OTOG: variants seen among roughly 807,000 people sequenced by gnomAD.
OTOG encodes the protein otogelin.
Under a neutral mutation model 313.8 loss-of-function variants are expected in OTOG, and 296 were observed. That is an observed-to-expected ratio of 0.94 (90% confidence interval 0.86 to 1.04). The LOEUF is 1.04. OTOG is among the 50% of genes least tolerant of loss of function. The pLI is 0.00. For missense variants in OTOG, 3,948 were observed against 3,840.1 expected, an observed-to-expected ratio of 1.03 and a Z score of -0.74; for synonymous variants, 1,533 against 1,554.9, an observed-to-expected ratio of 0.99 and a Z score of 0.33.
At chr11:17,561,059 G>A in intron 13 of OTOG, 32 bp from the exon 14 acceptor site, 1 of 1,550,308 alleles carries the variant, frequency 6.5e-7, no homozygotes, top group South Asian at 1.2e-5. Flanking sequence ...CTGGAGGGGT[G>A]ACCTCTTGCC....
chr11:17,572,320 T>C (rs2134025938), intron 18 of OTOG, 116 bp downstream of exon 18: 1 of 1,391,510 alleles, frequency 7.2e-7, no homozygotes, highest in African/African-American at 1.5e-5. Flanking sequence ...GTAGGAGTGA[T>C]AAGAGAAGGA....
chr11:17,576,313 C>T (rs1387459457), intron 20 of OTOG, among the ~76,000 whole-genome samples: 4 of 152,216 alleles, frequency 2.6e-5, no homozygotes, highest in African/African-American at 7.2e-5. Flanking sequence ...TGTGTGGAGA[C>T]CAGTGACTCC....
chr11:17,608,405 C>A lies in OTOG; in HGVS notation c.4266C>A (p.Asp1422Glu). The part of the protein sequence containing the change: ...CRDPRAASCR[D>E]VPRVEGCVPV... ...ACCCACGGGCAGCCAGCTGCCGGGA[C>A]GTACCCAGGTGAGATGCCAGGGGCT... The change falls in exon 34 of 56, where the codon GAC (aspartate) becomes GAA (glutamate). Residue 1422 changes from aspartate to glutamate, a missense_variant. Transcript: ENST00000399397. 1.3e-6 allele frequency: 2 copies of A among 1,538,832 alleles called. No individual in the cohort carries two copies. The highest frequency in any genetic ancestry group is 1.7e-4 in the Middle Eastern group (1 of 5,926).
chr11:17,611,615 G>C (rs1270890770), intron 36 of OTOG, among the ~76,000 whole-genome samples, 192 bp downstream of exon 36: 1 of 152,238 alleles, frequency 6.6e-6, no homozygotes, highest in Non-Finnish European at 1.5e-5. Context: ...TAGGCCCTGG[G>C]GGGCTGATTG....
intron 28 of OTOG, 112 bp downstream of exon 28, chr11:17,594,278 A>T: frequency 7.4e-7 from 1 of 1,355,602 alleles, no homozygotes; most frequent in Non-Finnish European, 1.0e-6. Context: ...TTTCTCCTGC[A>T]ATGTTCTCTC....
At position 17,610,384 on chromosome 11, in the gene OTOG, C is replaced by A. The variant is rs1853500857; in HGVS notation, c.5084C>A (p.Thr1695Asn). ...TQAQSASSPS[T>N]PLTVAGTAAE... ...GCCCAGAGTGCTTCAAGTCCCAGCA[C>A]CCCTCTAACTGTGGCTGGAACAGCA... Residue 1695 changes from threonine (T) to asparagine (N), a missense_variant, in exon 36 of 56, where the codon ACC becomes AAC. Coordinates refer to ENST00000399397, the MANE Select transcript of OTOG (RefSeq NM_001292063.2). 6.4e-7 allele frequency: 1 copy of A among 1,550,596 alleles called. No homozygotes were observed.
chr11:17,635,033 G>A (rs969451496), intron 45 of OTOG, 47 bp from the exon 46 acceptor site: 61 of 1,535,806 alleles, frequency 4.0e-5, no homozygotes, highest in Non-Finnish European at 5.1e-5. Context: ...CCCAGGGGTG[G>A]CCAGGCAGGT....
Position 17,640,696 on chromosome 11 carries a change from G to A in OTOG, c.7936-49G>A, listed in dbSNP as rs530500163. ...CCCAGGTGGCAGACTGCTCCTGAGG[G>A]CCAGGCTGGCCCCCAACCCAGGGTG... On this transcript the variant is annotated intron_variant, in intron 49 of 55. Coordinates refer to ENST00000399397, the MANE Select transcript of OTOG (RefSeq NM_001292063.2). The A allele has an allele frequency of 4.5e-4, 685 of 1,532,464 alleles. 1 individual carries two copies. Among genetic ancestry groups the A allele is most frequent in the Non-Finnish European group, 5.9e-4 (669 of 1,136,716 alleles). 94.9% of individuals were successfully genotyped at this position (1,532,464 alleles called of 1,614,324 possible).
At chr11:17,567,324 T>G (rs956429638) in intron 15 of OTOG, among the ~76,000 whole-genome samples, 5 of 152,164 alleles carry the variant, frequency 3.3e-5, no homozygotes, top group Non-Finnish European at 5.9e-5. Flanking sequence ...AGAAGGATGG[T>G]TGTGGCTGGT....
At chr11:17,592,975 G>C (rs990226916) in intron 25 of OTOG, among the ~76,000 whole-genome samples, 1 of 152,166 alleles carries the variant, frequency 6.6e-6, no homozygotes, top group African/African-American at 2.4e-5. Context: ...TCATTCATCA[G>C]ATATTTTGGG....
intron 51 of OTOG, 72 bp downstream of exon 51, chr11:17,641,163 G>GC (rs1847963416): frequency 9.0e-6 from 13 of 1,444,036 alleles, no homozygotes; most frequent in Non-Finnish European, 1.2e-5. Context: ...TGCTCCAGGA[G>GC]CCAGAGGGGC....
chr11:17,638,745 C>A, intron 48 of OTOG, 196 bp downstream of exon 48: 2 of 1,544,104 alleles, frequency 1.3e-6, no homozygotes, highest in Non-Finnish European at 1.7e-6. Context: ...CCTTTTCTCT[C>A]TAGGATAAAA....
chr11:17,575,334 A>G (rs980609991), intron 20 of OTOG, among the ~76,000 whole-genome samples: 1 of 152,230 alleles, frequency 6.6e-6, no homozygotes, highest in African/African-American at 2.4e-5. Context: ...CAGACACTTA[A>G]TGGACAGGTG....
At chr11:17,598,745 T>A (rs1001884849) in intron 30 of OTOG, among the ~76,000 whole-genome samples, 1 of 152,220 alleles carries the variant, frequency 6.6e-6, no homozygotes, top group African/African-American at 2.4e-5. Flanking sequence ...ACCCCTTGAC[T>A]GGGTATACCC....
Position 17,578,479 on chromosome 11 carries a change from C to T in OTOG, c.2712C>T (p.Ser904=), listed in dbSNP as rs1006281994. The T allele has an allele frequency of 1.3e-6, 2 of 1,540,438 alleles. No individual in the cohort carries two copies. Among genetic ancestry groups the T allele is most frequent in the African/African-American group, 1.4e-5 (1 of 73,054 alleles). The stretch of plus-strand genomic sequence containing the variant: ...GTGAGCAGCAACTGCTGAACCTGAG[C>T]GTGTCAGCCCGTGGCCCCTGCCTCT... ...RTCEQQLLNL[S]VSARGPCLSG... is the part of the protein sequence containing the mutation. The change falls in exon 23 of 56, where the codon AGC becomes AGT. Residue 904 remains serine, a synonymous_variant. Coordinates refer to ENST00000399397, the MANE Select transcript of OTOG (RefSeq NM_001292063.2).
chr11:17,610,992 G>T lies in OTOG; in HGVS notation c.5692G>T (p.Val1898Leu). Residue 1898 changes from valine to leucine, a missense_variant, in exon 36 of 56, where the codon GTA (valine) becomes TTA (leucine). By Grantham distance (32) the Val-to-Leu change is conservative. Transcript: ENST00000399397. ...LPVAEGTASM[V>L]SVVPRKSTTG... ...TGTGGCTGAGGGCACGGCCTCCATGGTATCTGTTGTCCCACGAAAGAGCAC... is the reference window on the plus strand; with the variant it reads ...TGTGGCTGAGGGCACGGCCTCCATGTTATCTGTTGTCCCACGAAAGAGCAC... 1.3e-6 allele frequency: 2 copies of T among 1,550,556 alleles called. No individual in the cohort carries two copies. The highest frequency in any genetic ancestry group is 8.7e-7 in the Non-Finnish European group (1 of 1,147,022).
Position 17,593,330 on chromosome 11 carries a change from A to G in OTOG, c.3141+3A>G, listed in dbSNP as rs751872638. 1.9e-6 allele frequency: 3 copies of G among 1,550,494 alleles called. No homozygotes were observed. The highest frequency in any genetic ancestry group is 1.4e-5 in the African/African-American group (1 of 73,168). ...TTGATGATGACTCCGGAAATCCTGT[A>G]AGGCTCAGTGCCTGTGAAGGTTGTG... On this transcript the variant is annotated splice_donor_region_variant and intron_variant, in intron 26 of 55. Transcript: ENST00000399397.
intron 22 of OTOG, among the ~76,000 whole-genome samples, chr11:17,577,378 G>GT (rs1565100683): frequency 7.6e-6 from 1 of 131,740 alleles, no homozygotes; most frequent in African/African-American, 2.7e-5. Context: ...AACAGTGGTC[G>GT]TGGGATGGGG....
chr11:17,641,201 C>A, intron 51 of OTOG, 110 bp downstream of exon 51: 1 of 1,233,098 alleles, frequency 8.1e-7, no homozygotes, highest in Non-Finnish European at 1.1e-6. Context: ...ACCCCCAGGA[C>A]AAGTCAGAGG....
Sources: gnomAD v4.1 joint callset for allele counts (sites outside exome capture counted in the v4.1 genomes callset) on GRCh38, gnomAD v4.1.1 for gene constraint, MANE v1.5 for transcripts, NCBI Gene and HGNC (gene_info 2026-07-23, HGNC 2026-07-21) for gene names.